PLA2G4A: variants seen among roughly 807,000 people sequenced by gnomAD.
PLA2G4A encodes the protein phospholipase A2 group IVA.
PLA2G4A carries 40 observed loss-of-function variants against 81.9 expected under a neutral mutation model. That is an observed-to-expected ratio of 0.49 (90% CI 0.38 to 0.64). The LOEUF (loss-of-function observed/expected upper bound fraction) is 0.64, where lower values mean the gene tolerates loss of function less well. Ranked by LOEUF, PLA2G4A falls within the 30% of genes least tolerant of loss-of-function variation. The pLI, the probability that PLA2G4A is intolerant of heterozygous loss-of-function variation, is 0.00. For missense variants in PLA2G4A, 715 were observed against 905.1 expected, an observed-to-expected ratio of 0.79 and a Z score of 2.69; for synonymous variants, 302 against 296.9, an observed-to-expected ratio of 1.02 and a Z score of -0.18.
chr1:186,848,595 A>C (rs148852808), intron 1 of PLA2G4A, among the ~76,000 whole-genome samples: 6 of 152,200 alleles, frequency 3.9e-5, no homozygotes, highest in African/African-American at 1.4e-4. Flanking sequence ...CTGAGATTTC[A>C]TCAGGGTAGA....
At chr1:186,902,399 C>CA (rs1338936500) in intron 5 of PLA2G4A, among the ~76,000 whole-genome samples, 1 of 152,054 alleles carries the variant, frequency 6.6e-6, no homozygotes, top group African/African-American at 2.4e-5. Context: ...CCCCTTATCA[C>CA]AAAATCTTTC....
intron 3 of PLA2G4A, among the ~76,000 whole-genome samples, chr1:186,874,797 A>G (rs932147077): frequency 6.6e-6 from 1 of 152,084 alleles, no homozygotes; most frequent in Non-Finnish European, 1.5e-5. Flanking sequence ...ATTTTATAAG[A>G]TCGTATTAAT....
chr1:186,979,760 G>A (rs923707416), intron 17 of PLA2G4A, among the ~76,000 whole-genome samples: 1 of 151,922 alleles, frequency 6.6e-6, no homozygotes, highest in Non-Finnish European at 1.5e-5. Flanking sequence ...CAAATTATAA[G>A]TAAGGAAGAA....
At chr1:186,893,355 T>G (rs1176102199) in intron 4 of PLA2G4A, among the ~76,000 whole-genome samples, 196 bp downstream of exon 4, 1 of 152,132 alleles carries the variant, frequency 6.6e-6, no homozygotes, top group Non-Finnish European at 1.5e-5. Context: ...TTAGGTAGGG[T>G]TGGGAAAACT....
At chr1:186,913,659 AAC>A (rs1346142680) in intron 7 of PLA2G4A, among the ~76,000 whole-genome samples, 10 of 142,436 alleles carry the variant, frequency 7.0e-5, no homozygotes, top group Non-Finnish European at 1.6e-4. Flanking sequence ...TACATAAGTA[AAC>A]ATATATGTGC....
At chr1:186,888,282 G>T (rs1654009603) in intron 3 of PLA2G4A, among the ~76,000 whole-genome samples, 2 of 152,100 alleles carry the variant, frequency 1.3e-5, no homozygotes, top group Admixed American at 6.6e-5. Flanking sequence ...GTCAGAATTA[G>T]AATTTGTTAA....
chr1:186,887,560 T>A (rs1653979661), intron 3 of PLA2G4A, among the ~76,000 whole-genome samples: 1 of 152,138 alleles, frequency 6.6e-6, no homozygotes, highest in African/African-American at 2.4e-5. Context: ...AAGGATGAGA[T>A]GTAAAAGGGG....
At chr1:186,906,924 T>C in intron 5 of PLA2G4A, 41 bp from the exon 6 acceptor site, 2 of 1,034,334 alleles carry the variant, frequency 1.9e-6, no homozygotes, top group Non-Finnish European at 1.5e-6. Flanking sequence ...TAAACACATA[T>C]CTACTTTATG....
intron 10 of PLA2G4A, among the ~76,000 whole-genome samples, chr1:186,945,143 T>C (rs908240104): frequency 3.3e-5 from 5 of 152,056 alleles, no homozygotes; most frequent in Admixed American, 6.6e-5. Context: ...GACCCTAAAA[T>C]AAAGATTAAG....
intron 7 of PLA2G4A, 54 bp from the exon 8 acceptor site, chr1:186,932,708 AC>A (rs1394193027): frequency 6.5e-7 from 1 of 1,539,712 alleles, no homozygotes. Context: ...ACTAAAGGGA[AC>A]TGTATTTTAT....
At chr1:186,962,535 T>C (rs1415891133) in intron 14 of PLA2G4A, among the ~76,000 whole-genome samples, 1 of 150,308 alleles carries the variant, frequency 6.7e-6, no homozygotes, top group Non-Finnish European at 1.5e-5. Flanking sequence ...TATTTATTTA[T>C]TTTTGAGACG....
chr1:186,868,238 C>A (rs1245449857), intron 2 of PLA2G4A, among the ~76,000 whole-genome samples: 2 of 151,894 alleles, frequency 1.3e-5, no homozygotes, highest in African/African-American at 4.8e-5. Context: ...CCATGCCCGG[C>A]TAATTTTTTT....
intron 1 of PLA2G4A, among the ~76,000 whole-genome samples, chr1:186,830,736 G>A (rs1651525076): frequency 6.6e-6 from 1 of 151,726 alleles, no homozygotes; most frequent in Non-Finnish European, 1.5e-5. Context: ...ATTCCATAGA[G>A]GTTATTTGGC....
intron 15 of PLA2G4A, among the ~76,000 whole-genome samples, chr1:186,973,511 T>C (rs1253165524): frequency 2.0e-5 from 3 of 152,226 alleles, no homozygotes; most frequent in African/African-American, 4.8e-5. Flanking sequence ...TAGGAAATGG[T>C]ATTTTATATG....
chr1:186,879,549 C>A (rs760722215), intron 3 of PLA2G4A, among the ~76,000 whole-genome samples: 11 of 151,882 alleles, frequency 7.2e-5, no homozygotes, highest in Non-Finnish European at 1.6e-4. Flanking sequence ...CTCCCTTCTG[C>A]TACTTATTAA....
intron 7 of PLA2G4A, among the ~76,000 whole-genome samples, chr1:186,915,929 T>A (rs997360258): frequency 2.0e-5 from 3 of 152,126 alleles, no homozygotes; most frequent in Non-Finnish European, 4.4e-5. Flanking sequence ...TCAGGGTAAT[T>A]CTTTTGAGCC....
chr1:186,841,325 G>T (rs1420894271), intron 1 of PLA2G4A, among the ~76,000 whole-genome samples: 1 of 152,134 alleles, frequency 6.6e-6, no homozygotes, highest in Admixed American at 6.5e-5. Flanking sequence ...GATCTACTCT[G>T]TCCTTCCAAA....
chr1:186,850,140 A>G (rs2102020808), intron 1 of PLA2G4A, among the ~76,000 whole-genome samples: 1 of 152,296 alleles, frequency 6.6e-6, no homozygotes, highest in East Asian at 1.9e-4. Flanking sequence ...AAACAAAAGT[A>G]ATAGACTGAA....
At chr1:186,873,510 A>G (rs1653360258) in intron 3 of PLA2G4A, among the ~76,000 whole-genome samples, 1 of 152,078 alleles carries the variant, frequency 6.6e-6, no homozygotes, top group African/African-American at 2.4e-5. Context: ...ATAGATTACT[A>G]TTGGAGTTTT....
Sources: gnomAD v4.1 joint callset for allele counts (sites outside exome capture counted in the v4.1 genomes callset) on GRCh38, gnomAD v4.1.1 for gene constraint, MANE v1.5 for transcripts, NCBI Gene and HGNC (gene_info 2026-07-23, HGNC 2026-07-21) for gene names.